Variants in NBEA observed in about 807,000 individuals in gnomAD.
NBEA encodes neurobeachin, also known as lysosomal-trafficking regulator 2.
A neutral mutation model predicts 343.4 loss-of-function variants in NBEA; 44 were observed. That is an observed-to-expected ratio of 0.13 (90% CI 0.10 to 0.16). The LOEUF (loss-of-function observed/expected upper bound fraction) is 0.16. Ranked by LOEUF, NBEA falls within the 10% of genes least tolerant of loss-of-function variation. NBEA has a pLI of 1.00. For synonymous variants in NBEA, 1,175 were observed against 1,238.7 expected (o/e 0.95, Z 1.08); for missense variants, 2,555 against 3,631.3 (o/e 0.70, Z 7.62).
intron 47 of NBEA, among the ~76,000 whole-genome samples, chr13:35,602,509 G>A (rs189389828): frequency 6.6e-6 from 1 of 152,162 alleles, no homozygotes; most frequent in Non-Finnish European, 1.5e-5. Flanking sequence ...ACCTCTAGGG[G>A]CTCTGCAAAC....
intron 35 of NBEA, among the ~76,000 whole-genome samples, chr13:35,299,714 A>G (rs2152824818): frequency 6.6e-6 from 1 of 152,326 alleles, no homozygotes; most frequent in Middle Eastern, 3.4e-3. Flanking sequence ...AGAAAAGTGC[A>G]TATATGTCTA....
At chr13:35,648,413 G>A (rs971022933) in intron 51 of NBEA, among the ~76,000 whole-genome samples, 10 of 151,940 alleles carry the variant, frequency 6.6e-5, no homozygotes, top group African/African-American at 2.4e-4. Flanking sequence ...CTGTCCAGAA[G>A]AATATCTCTA....
intron 17 of NBEA, among the ~76,000 whole-genome samples, chr13:35,137,055 T>C (rs537250314): frequency 5.9e-5 from 9 of 152,250 alleles, no homozygotes; most frequent in African/African-American, 1.7e-4. Context: ...TATAAAAGAG[T>C]AAATTGATAC....
chr13:35,231,136 T>G (rs2074948720), intron 33 of NBEA, among the ~76,000 whole-genome samples: 1 of 152,104 alleles, frequency 6.6e-6, no homozygotes, highest in Non-Finnish European at 1.5e-5. Context: ...ACTTGAGTTT[T>G]CTCCATGGTT....
chr13:35,029,828 T>C (rs1021075307), intron 1 of NBEA, among the ~76,000 whole-genome samples: 2 of 151,662 alleles, frequency 1.3e-5, no homozygotes, highest in African/African-American at 4.8e-5. Flanking sequence ...TTTATTTACT[T>C]TATGTAAATA....
At chr13:35,177,957 A>G (rs983520476) in intron 28 of NBEA, among the ~76,000 whole-genome samples, 4 of 151,786 alleles carry the variant, frequency 2.6e-5, no homozygotes, top group African/African-American at 4.8e-5. Flanking sequence ...AATGTACAAT[A>G]GAAAAATCAT....
intron 36 of NBEA, among the ~76,000 whole-genome samples, chr13:35,339,283 G>A (rs1042069361): frequency 1.3e-5 from 2 of 150,978 alleles, no homozygotes; most frequent in African/African-American, 4.9e-5. Flanking sequence ...GGATCTGTTA[G>A]AGCTAATAAA....
Position 35,157,031 on chromosome 13 carries a change from A to G in NBEA, c.2652-47A>G, listed in dbSNP as rs776702643. 8.6e-6 allele frequency: 12 copies of G among 1,397,378 alleles called. No homozygotes were observed. In the South Asian group the frequency reaches 2.0e-4, roughly 24 times the overall value. The allele number at this position is 1,397,378 out of a possible 1,614,324, so 86.6% of individuals were successfully genotyped here. A position where few individuals can be genotyped will look rare whatever the true frequency, so the allele number is the denominator to read the frequency against. On this transcript the variant is annotated intron_variant, in intron 20 of 58. Transcript: ENST00000379939. ...TCAAAGTTTCAAAATAGTAAATTCT[A>G]ACTTAATTTGGATATTTTTAATGAG...
intron 36 of NBEA, among the ~76,000 whole-genome samples, chr13:35,318,503 C>T (rs2037904249): frequency 6.6e-6 from 1 of 152,078 alleles, no homozygotes; most frequent in African/African-American, 2.4e-5. Flanking sequence ...TTCCGTTTGC[C>T]AGTATGTTAT....
At chr13:34,952,045 A>G (rs1211701480) in intron 1 of NBEA, among the ~76,000 whole-genome samples, 1 of 152,220 alleles carries the variant, frequency 6.6e-6, no homozygotes, top group Admixed American at 6.5e-5. Flanking sequence ...TGCTTTACAT[A>G]TGTAGAAACT....
intron 18 of NBEA, among the ~76,000 whole-genome samples, chr13:35,153,672 G>A (rs2068948655): frequency 6.6e-6 from 1 of 152,180 alleles, no homozygotes; most frequent in Non-Finnish European, 1.5e-5. Flanking sequence ...ATTGTTAGAT[G>A]ATAAAGTAGG....
intron 34 of NBEA, among the ~76,000 whole-genome samples, chr13:35,246,542 G>T (rs1452826217): frequency 6.6e-6 from 1 of 152,072 alleles, no homozygotes; most frequent in Non-Finnish European, 1.5e-5. Context: ...AAACTGTAGT[G>T]ACTCTTTTTT....
At chr13:35,267,250 G>A (rs1393610241) in intron 34 of NBEA, among the ~76,000 whole-genome samples, 2 of 151,830 alleles carry the variant, frequency 1.3e-5, no homozygotes, top group African/African-American at 2.4e-5. Context: ...AAAATGCTAT[G>A]AGGGTGAATG....
At chr13:35,351,162 G>A (rs933005590) in intron 37 of NBEA, among the ~76,000 whole-genome samples, 2 of 151,790 alleles carry the variant, frequency 1.3e-5, no homozygotes, top group African/African-American at 4.8e-5. Context: ...ATAAATGAGA[G>A]GAATATGTTC....
intron 38 of NBEA, among the ~76,000 whole-genome samples, chr13:35,409,071 A>G (rs1382825291): frequency 6.6e-6 from 1 of 152,228 alleles, no homozygotes; most frequent in Non-Finnish European, 1.5e-5. Flanking sequence ...ACTATTCACA[A>G]TAGGAAAGAT....
intron 10 of NBEA, among the ~76,000 whole-genome samples, chr13:35,092,337 C>T (rs1593317284): frequency 1.3e-5 from 2 of 151,890 alleles, no homozygotes; most frequent in South Asian, 2.1e-4. Context: ...GTTGTGACGA[C>T]GAAAGCATAA....
intron 1 of NBEA, among the ~76,000 whole-genome samples, chr13:34,993,623 A>G (rs1224663733): frequency 6.6e-6 from 1 of 152,208 alleles, no homozygotes. Context: ...TCCAAAACTA[A>G]ATAACCAAGA....
At chr13:35,385,893 A>G (rs927586399) in intron 38 of NBEA, among the ~76,000 whole-genome samples, 2 of 152,114 alleles carry the variant, frequency 1.3e-5, no homozygotes, top group African/African-American at 4.8e-5. Context: ...AATAACATTT[A>G]CCATCACTGA....
chr13:35,410,286 A>C (rs2043504892), intron 38 of NBEA, among the ~76,000 whole-genome samples: 1 of 152,184 alleles, frequency 6.6e-6, no homozygotes, highest in South Asian at 2.1e-4. Context: ...GGATTTGACT[A>C]TCTGAGCCAT....
Sources: allele counts gnomAD v4.1 joint callset (sites outside exome capture counted in the v4.1 genomes callset), GRCh38; gene constraint gnomAD v4.1.1; transcripts MANE v1.5; gene names NCBI Gene and HGNC (gene_info 2026-07-23, HGNC 2026-07-21).